TENM4: variants seen among roughly 807,000 people sequenced by gnomAD.
TENM4 encodes the protein teneurin-4.
In TENM4, 82 loss-of-function variants were observed where a neutral mutation model predicts 243.3. That is an observed-to-expected ratio of 0.34 (90% confidence interval 0.28 to 0.40). The LOEUF is 0.40. Among genes scored for constraint, TENM4 ranks in the 10% least tolerant of loss-of-function variants. The pLI, the probability that TENM4 is intolerant of heterozygous loss-of-function variation, is 1.00. For synonymous variants in TENM4, 1,412 were observed against 1,456.3 expected (o/e 0.97, Z 0.69); for missense variants, 3,138 against 3,673.3 (o/e 0.85, Z 3.77).
At chr11:78,980,789 A>G (rs181828655) in intron 6 of TENM4, among the ~76,000 whole-genome samples, 8 of 152,286 alleles carry the variant, frequency 5.3e-5, no homozygotes, top group African/African-American at 2.4e-5. Context: ...AAAGAGTTCT[A>G]TGAGAGCTCT....
intron 9 of TENM4, among the ~76,000 whole-genome samples, chr11:78,868,857 G>A (rs1267284560): frequency 6.6e-6 from 1 of 152,074 alleles, no homozygotes; most frequent in Non-Finnish European, 1.5e-5. Flanking sequence ...GTTTCAAAAG[G>A]CAGTGGGAAC....
intron 4 of TENM4, among the ~76,000 whole-genome samples, chr11:79,143,911 C>G (rs1403481298): frequency 6.6e-6 from 1 of 151,804 alleles, no homozygotes. Flanking sequence ...AAGTAAAACT[C>G]ACAAGCACAG....
At chr11:79,130,028 A>T (rs561176980) in intron 4 of TENM4, among the ~76,000 whole-genome samples, 1 of 152,290 alleles carries the variant, frequency 6.6e-6, no homozygotes, top group African/African-American at 2.4e-5. Flanking sequence ...GGTATACACC[A>T]CTGAGAGACC....
intron 12 of TENM4, among the ~76,000 whole-genome samples, chr11:78,850,645 T>G (rs568237786): frequency 6.3e-4 from 96 of 152,298 alleles, no homozygotes; most frequent in Admixed American, 2.3e-3. Flanking sequence ...AAACCATCAC[T>G]GTAGCTTGAA....
intron 18 of TENM4, among the ~76,000 whole-genome samples, chr11:78,758,220 C>G (rs78957438): frequency 1.3e-5 from 2 of 152,172 alleles, no homozygotes; most frequent in African/African-American, 4.8e-5. Flanking sequence ...GGGAAACTTC[C>G]TCACCACCGT....
At position 78,657,732 on chromosome 11, in the gene TENM4, C is replaced by T. The variant is rs187917537; in HGVS notation, c.*326G>A. On this transcript the variant is annotated 3_prime_UTR_variant, in exon 34 of 34. Coordinates refer to ENST00000278550, the MANE Select transcript of TENM4 (RefSeq NM_001098816.3). ...GTACCTAGGGACAGACGAGGACACA[C>T]CCCAGGAGATGCATCTCAGAGAGGA... The T allele has an allele frequency of 1.3e-4, 57 of 450,642 alleles. No individual in the cohort carries two copies. Among genetic ancestry groups the T allele is most frequent in the African/African-American group, 8.1e-4 (41 of 50,326 alleles). 27.9% of individuals were successfully genotyped at this position (450,642 alleles called of 1,614,324 possible).
At chr11:79,380,509 C>T (rs535236144) in intron 1 of TENM4, among the ~76,000 whole-genome samples, 47 of 152,298 alleles carry the variant, frequency 3.1e-4, no homozygotes, top group Admixed American at 2.5e-3. Flanking sequence ...ACTGAAGAGT[C>T]ATTTGGCTCT....
rs1368974998 is a variant in TENM4, at chr11:78,658,599, T to C, written c.7769A>G (p.Asp2590Gly). The C allele has an allele frequency of 3.1e-6, 5 of 1,613,906 alleles. No individual in the cohort carries two copies. In the African/African-American group the frequency reaches 6.7e-5, roughly 22 times the overall value. Residue 2590 changes from aspartate to glycine, a missense_variant, in exon 34 of 34, where the codon GAT becomes GGT. Asp to Gly is a moderately conservative substitution (Grantham distance 94). Transcript: ENST00000278550. ...CAAGATGGCAGCAACCCTTCGCCCA[T>C]CCTCATTGGCCACACTGATGATGTC... ...TTDIISVANE[D>G]GRRVAAILNH...
intron 3 of TENM4, among the ~76,000 whole-genome samples, chr11:79,190,635 C>A (rs551421868): frequency 1.3e-4 from 20 of 151,806 alleles, no homozygotes; most frequent in Non-Finnish European, 2.5e-4. Flanking sequence ...AGGTTCTGGC[C>A]GAATAAATGT....
intron 33 of TENM4, among the ~76,000 whole-genome samples, chr11:78,660,847 C>T (rs1408444378): frequency 2.0e-5 from 3 of 152,120 alleles, no homozygotes; most frequent in Non-Finnish European, 2.9e-5. Context: ...TCCAGCTATA[C>T]AATTCTGAGT....
chr11:78,992,084 A>T (rs1016690117), intron 6 of TENM4, among the ~76,000 whole-genome samples: 3 of 152,202 alleles, frequency 2.0e-5, no homozygotes, highest in Non-Finnish European at 4.4e-5. Flanking sequence ...TCCCTGTAAC[A>T]AGCACTAAGG....
intron 19 of TENM4, among the ~76,000 whole-genome samples, chr11:78,744,749 G>A (rs76097128): frequency 0.01 from 1,589 of 152,242 alleles, 7 homozygotes; most frequent in South Asian, 0.023. Context: ...TGCTACCATC[G>A]CTGGTTCACC....
intron 1 of TENM4, among the ~76,000 whole-genome samples, chr11:79,319,488 T>C (rs770912011): frequency 6.6e-6 from 1 of 152,212 alleles, no homozygotes; most frequent in Admixed American, 6.5e-5. Context: ...AAATCTTAAA[T>C]AGATTCATAT....
chr11:79,351,949 C>T (rs1466307577), intron 1 of TENM4, among the ~76,000 whole-genome samples: 1 of 152,146 alleles, frequency 6.6e-6, no homozygotes, highest in Non-Finnish European at 1.5e-5. Context: ...CTGGGAGTCA[C>T]TTCTAGTTCC....
rs185133885 is a variant in TENM4, at chr11:79,180,130, T to C, written c.-162-31324A>G. Among the ~76,000 whole-genome samples the C allele has an allele frequency of 1.4e-4, 21 of 151,756 alleles. 1 individual carries two copies. Among genetic ancestry groups the C allele is most frequent in the Admixed American group, 5.9e-4 (9 of 15,200 alleles). ...CAAAGCAATGAGGAAAGGGAAAACATTGACTTTGCATCTTAAGCTTATTAA... is the reference window on the plus strand; with the variant it reads ...CAAAGCAATGAGGAAAGGGAAAACACTGACTTTGCATCTTAAGCTTATTAA... On this transcript the variant is annotated intron_variant, in intron 3 of 33. Transcript: ENST00000278550.
chr11:79,157,471 G>C (rs767095456), intron 3 of TENM4, among the ~76,000 whole-genome samples: 36 of 152,116 alleles, frequency 2.4e-4, no homozygotes, highest in Non-Finnish European at 5.3e-4. Context: ...AGTCCCTACA[G>C]CATGCCTGGC....
intron 1 of TENM4, among the ~76,000 whole-genome samples, chr11:79,341,223 T>C (rs1333051298): frequency 1.3e-5 from 2 of 152,148 alleles, no homozygotes; most frequent in Admixed American, 6.5e-5. Flanking sequence ...TAAACCTGTG[T>C]AGTTAGGAGG....
At chr11:79,399,900 G>T (rs917208389) in intron 1 of TENM4, among the ~76,000 whole-genome samples, 2 of 152,060 alleles carry the variant, frequency 1.3e-5, no homozygotes, top group Non-Finnish European at 2.9e-5. Flanking sequence ...GCCCAGCAGA[G>T]TTGGCTGGCA....
At chr11:79,388,956 G>A (rs930085661) in intron 1 of TENM4, among the ~76,000 whole-genome samples, 1 of 152,158 alleles carries the variant, frequency 6.6e-6, no homozygotes. Context: ...ACCACTTGGT[G>A]TTACTGGACA....
Sources: allele counts gnomAD v4.1 joint callset (sites outside exome capture counted in the v4.1 genomes callset), GRCh38; gene constraint gnomAD v4.1.1; transcripts MANE v1.5; gene names NCBI Gene and HGNC (gene_info 2026-07-23, HGNC 2026-07-21).